BIN2: variants seen among roughly 807,000 people sequenced by gnomAD.
The protein encoded by BIN2 is breast cancer associated protein BRAP1.
Under a neutral mutation model 67.9 loss-of-function variants are expected in BIN2, and 43 were observed. That is an observed-to-expected ratio of 0.63 (90% CI 0.50 to 0.82). The LOEUF is 0.82. Ranked by LOEUF, BIN2 falls within the 40% of genes least tolerant of loss-of-function variation. BIN2 has a pLI of 0.00. For missense variants in BIN2, 581 were observed against 671.6 expected (o/e 0.87, Z 1.49); for synonymous variants, 244 against 246.8 (o/e 0.99, Z 0.11).
chr12:51,288,852 C>T (rs546283292), intron 10 of BIN2, among the ~76,000 whole-genome samples: 116 of 151,846 alleles, frequency 7.6e-4, no homozygotes, highest in African/African-American at 2.6e-3. Flanking sequence ...TGGGTTCAAG[C>T]GATTCTCCTG....
Position 51,299,697 on chromosome 12 carries a change from C to T in BIN2, c.426G>A (p.Arg142=), listed in dbSNP as rs746806256. 6.2e-7 allele frequency: 1 copy of T among 1,614,068 alleles called. No homozygotes were observed. The highest frequency in any genetic ancestry group is 8.5e-7 in the Non-Finnish European group (1 of 1,180,026). Residue 142 remains arginine (R), a synonymous_variant, in exon 6 of 13, where the codon CGG becomes CGA. Coordinates refer to ENST00000615107, the MANE Select transcript of BIN2 (RefSeq NM_016293.4). ...TGTCATAGTCCACGAGTTTCCGACC[C>T]CGCTTGGCAATTCTCTCCTGACCCA... ...FSEIKERIAK[R]GRKLVDYDSA...
chr12:51,302,647 G>T, intron 4 of BIN2, 39 bp downstream of exon 4: 1 of 1,514,062 alleles, frequency 6.6e-7, no homozygotes, highest in Non-Finnish European at 9.2e-7. Flanking sequence ...GCAAACAGGA[G>T]TAAGTGCCAA....
At position 51,324,104 on chromosome 12, in the gene BIN2, CT is replaced by C; in HGVS notation, c.-3del. The C allele has an allele frequency of 6.2e-7, 1 of 1,613,140 alleles. No homozygotes were observed. The highest frequency in any genetic ancestry group is 8.5e-7 in the Non-Finnish European group (1 of 1,179,530). On this transcript the variant is annotated 5_prime_UTR_variant, in exon 1 of 13. Transcript: ENST00000615107. ...GCCGCCTGCCTTGCCCTCTGCCATC[CT>C]GCCAACTCCCTGGGGGCCGCCGCCC...
intron 10 of BIN2, among the ~76,000 whole-genome samples, chr12:51,288,919 T>C (rs899384474): frequency 2.0e-5 from 3 of 151,948 alleles, no homozygotes; most frequent in African/African-American, 7.3e-5. Flanking sequence ...CAACAAACTT[T>C]TTGTATTTTT....
At chr12:51,292,934 G>A (rs1945429291) in intron 9 of BIN2, among the ~76,000 whole-genome samples, 1 of 152,112 alleles carries the variant, frequency 6.6e-6, no homozygotes, top group African/African-American at 2.4e-5. Flanking sequence ...AGACTGTGAT[G>A]TGCCTTCCAG....
chr12:51,294,715 A>G (rs552840273), intron 9 of BIN2, among the ~76,000 whole-genome samples: 16 of 152,128 alleles, frequency 1.1e-4, no homozygotes, highest in African/African-American at 3.8e-4. Flanking sequence ...TATGTGTGAA[A>G]CATACATGCA....
intron 9 of BIN2, among the ~76,000 whole-genome samples, chr12:51,293,112 A>T (rs1230805191): frequency 6.6e-6 from 1 of 152,022 alleles, no homozygotes; most frequent in Non-Finnish European, 1.5e-5. Flanking sequence ...AAATGTTGTG[A>T]CCAGGGGCTC....
chr12:51,297,373 C>T, intron 7 of BIN2: 1 of 410,374 alleles, frequency 2.4e-6, no homozygotes, highest in Non-Finnish European at 4.4e-6. Context: ...TCAAGACCAT[C>T]CTGGCTAACA....
intron 2 of BIN2, among the ~76,000 whole-genome samples, chr12:51,305,471 A>G (rs1945843420): frequency 6.6e-6 from 1 of 151,544 alleles, no homozygotes; most frequent in South Asian, 2.1e-4. Flanking sequence ...TAAAAATACA[A>G]AAATTAGCCA....
intron 2 of BIN2, 149 bp from the exon 3 acceptor site, chr12:51,303,290 CT>C: frequency 1.2e-6 from 1 of 817,520 alleles, no homozygotes; most frequent in Non-Finnish European, 2.0e-6. Flanking sequence ...CCTTTACTTT[CT>C]TTACCAACCT....
At chr12:51,324,542 G>A (rs1159753876), upstream of BIN2, 2 of 1,529,740 alleles carry the variant, frequency 1.3e-6, no homozygotes, top group East Asian at 2.5e-5. Context: ...GGTTCTCTGA[G>A]TATGCATGCG....
At chr12:51,323,737 G>T (rs1946351161) in intron 1 of BIN2, among the ~76,000 whole-genome samples, 1 of 152,308 alleles carries the variant, frequency 6.6e-6, no homozygotes, top group Admixed American at 6.5e-5. Flanking sequence ...CCTTTTCTGG[G>T]TCAGCCTGAG....
At chr12:51,316,890 T>C (rs2137440015) in intron 1 of BIN2, among the ~76,000 whole-genome samples, 1 of 152,262 alleles carries the variant, frequency 6.6e-6, no homozygotes, top group Non-Finnish European at 1.5e-5. Flanking sequence ...ATTATTATTA[T>C]TTTGAGACAG....
intron 7 of BIN2, among the ~76,000 whole-genome samples, chr12:51,297,973 C>T (rs141538747): frequency 3.9e-5 from 6 of 152,218 alleles, no homozygotes; most frequent in Non-Finnish European, 7.4e-5. Flanking sequence ...AGGCCAGGCA[C>T]GGTGGCTCAT....
At position 51,290,927 on chromosome 12, in the gene BIN2, C is replaced by T. The variant is rs553014127; in HGVS notation, c.1515+664G>A. ...CATCCTGGGCGACAGAGCGAGACTC[C>T]GTCTCAAAAACAAAACAAAACAAAA... is the stretch of plus-strand genomic sequence containing the variant. On this transcript the variant is annotated intron_variant, in intron 10 of 12. Transcript: ENST00000615107. Among the ~76,000 whole-genome samples, 130 of 136,706 alleles carry T rather than the reference C, an allele frequency of 9.5e-4. 2 individuals carry two copies. In the East Asian group the frequency reaches 0.025, roughly 27 times the overall value. 89.7% of individuals were successfully genotyped at this position (136,706 alleles called of 152,430 possible). A position where few individuals can be genotyped will look rare whatever the true frequency, so the allele number is the denominator to read the frequency against.
upstream of BIN2, chr12:51,324,285 C>T (rs1050964998): frequency 3.6e-6 from 5 of 1,404,616 alleles, no homozygotes; most frequent in Admixed American, 3.1e-5. Flanking sequence ...TGGAGCAGGC[C>T]GGCTCGGAGG....
chr12:51,295,575 AAAATATATATATAT>A (rs1343152282), intron 9 of BIN2, among the ~76,000 whole-genome samples: 1 of 18,276 alleles, frequency 5.5e-5, no homozygotes, highest in African/African-American at 2.2e-4. Context: ...AAAAAAAAAA[AAAATATATATATAT>A]ATATATATAT....
chr12:51,313,701 C>T lies in BIN2; in HGVS notation c.162+122G>A, dbSNP rs562597225. The T allele has an allele frequency of 3.5e-4, 307 of 884,746 alleles. No homozygotes were observed. The African/African-American group carries it at 4.5e-3, about 13-fold the overall frequency. The allele number at this position is 884,746 out of a possible 1,614,324, so 54.8% of individuals were successfully genotyped here. On this transcript the variant is annotated intron_variant, in intron 2 of 12. Coordinates refer to ENST00000615107, the MANE Select transcript of BIN2 (RefSeq NM_016293.4). ...AACAGGTCACCCTGTAGCCCTTAAC[C>T]CTAGGGGGAGGGTGGCTTGGTGGAG...
At chr12:51,281,669 TG>T in intron 12 of BIN2, 141 bp from the exon 13 acceptor site, 1 of 785,488 alleles carries the variant, frequency 1.3e-6, no homozygotes, top group Non-Finnish European at 2.2e-6. Context: ...AATGTGAAAC[TG>T]GTTGTTGGGA....
Sources: gnomAD v4.1 joint callset for allele counts (sites outside exome capture counted in the v4.1 genomes callset) on GRCh38, gnomAD v4.1.1 for gene constraint, MANE v1.5 for transcripts, NCBI Gene and HGNC (gene_info 2026-07-23, HGNC 2026-07-21) for gene names.